The following DNHD1 variants were observed in gnomAD, a reference collection of about 807,000 sequenced individuals.
The protein encoded by DNHD1 is dynein heavy chain domain-containing protein 1.
DNHD1 carries 383 observed loss-of-function variants against 458.1 expected under a neutral mutation model. That is an observed-to-expected ratio of 0.84 (90% CI 0.77 to 0.91). The LOEUF is 0.91. DNHD1 is among the 40% of genes least tolerant of loss of function. DNHD1 has a pLI of 0.00. For synonymous variants in DNHD1, 2,203 were observed against 2,376.9 expected, an observed-to-expected ratio of 0.93 and a Z score of 2.13; for missense variants, 5,336 against 5,866.1, an observed-to-expected ratio of 0.91 and a Z score of 2.95.
At chr11:6,542,693 A>G (rs72901719) in intron 18 of DNHD1, among the ~76,000 whole-genome samples, 2,093 of 152,312 alleles carry the variant, frequency 0.014, 30 homozygotes, top group Non-Finnish European at 0.022. Flanking sequence ...TGGACTTGTT[A>G]TATATTTAAT....
At position 6,534,105 on chromosome 11, in the gene DNHD1, T is replaced by G; in HGVS notation, c.2930T>G (p.Leu977Arg). 1 of 1,551,488 alleles carries G rather than the reference T, an allele frequency of 6.4e-7. No homozygotes were observed. The highest frequency in any genetic ancestry group is 1.4e-5 in the African/African-American group (1 of 73,122). The change falls in exon 14 of 43, where the codon CTA becomes CGA. Residue 977 changes from leucine to arginine, a missense_variant. This residue lies in a region of DNHD1 where 3,932 missense variants were observed against 4,365.6 expected (regional missense o/e 0.90). Transcript: ENST00000254579. Reference sequence around the variant, plus strand: ...AGTACTGAGCACCAGCTCGTCTCCCTAGAGCGTCAGTTCCAGAACACAGTC... The same window carrying G: ...AGTACTGAGCACCAGCTCGTCTCCCGAGAGCGTCAGTTCCAGAACACAGTC... ...QRSTEHQLVS[L>R]ERQFQNTVSD...
rs146065060 is a variant in DNHD1 at position 6,571,013 on chromosome 11, C to T, written c.13501C>T (p.Arg4501Cys). 25 of 1,594,972 alleles carry T rather than the reference C, an allele frequency of 1.6e-5. No individual in the cohort carries two copies. The African/African-American group carries it at 2.4e-4, about 15-fold the overall frequency. Residue 4501 changes from arginine (R) to cysteine (C), a missense_variant, in exon 42 of 43, where the codon CGC (arginine) becomes TGC (cysteine). By Grantham distance (180) the Arg-to-Cys change is radical (BLOSUM62 -3). Transcript: ENST00000254579. The surrounding 1 kb of genome is among the most constrained non-coding windows in gnomAD (Gnocchi z 5.0). ...GAGCCAGTTGGTGGGCACGCTACAA[C>T]GCGACCTTGATTGCCTGTTGCAGCA... is the stretch of plus-strand genomic sequence containing the variant. ...ELSQLVGTLQ[R>C]DLDCLLQQLK...
Position 6,536,232 on chromosome 11 carries a change from A to G in DNHD1, c.2998+2059A>G, listed in dbSNP as rs555865846. ...AAATGTTCCAGATTAAAAGAAACTAAGAGACATGACAAATGCAGTGCTTGA... is the reference window on the plus strand; with the variant it reads ...AAATGTTCCAGATTAAAAGAAACTAGGAGACATGACAAATGCAGTGCTTGA... On this transcript the variant is annotated intron_variant, in intron 14 of 42. Coordinates refer to ENST00000254579, the MANE Select transcript of DNHD1 (RefSeq NM_144666.3). 5.3e-5 allele frequency among the ~76,000 whole-genome samples: 8 copies of G among 152,328 alleles called. No homozygotes were observed. The South Asian group carries it at 1.2e-3, about 24-fold the overall frequency.
rs962918938 is a variant in DNHD1, at chr11:6,539,262, G to A, written c.3369G>A (p.Leu1123=). 9.0e-6 allele frequency: 14 copies of A among 1,551,500 alleles called. No individual in the cohort carries two copies. The highest frequency in any genetic ancestry group is 2.7e-5 in the African/African-American group (2 of 73,028). Residue 1123 remains leucine (L), a synonymous_variant, in exon 17 of 43, where the codon CTG becomes CTA. Transcript: ENST00000254579. ...TCCAAACTATAGAACTCCTAACGCTGGGCCAGCTGCTTACTTATCCACTGC... is the reference window on the plus strand; with the variant it reads ...TCCAAACTATAGAACTCCTAACGCTAGGCCAGCTGCTTACTTATCCACTGC... ...GSLQTIELLT[L]GQLLTYPLLE...
At chr11:6,527,739 G>C (rs776465177) in intron 10 of DNHD1, among the ~76,000 whole-genome samples, 1 of 152,224 alleles carries the variant, frequency 6.6e-6, no homozygotes, top group Non-Finnish European at 1.5e-5. Context: ...GAAGAGATCA[G>C]CTAGGAGTAC....
chr11:6,558,604 T>C lies in DNHD1; in HGVS notation c.9122T>C (p.Ile3041Thr), dbSNP rs116327405. ...LRLLQLATASIDRYEPWDQAA... is the reference protein window; with the variant it reads ...LRLLQLATASTDRYEPWDQAA... ...CTCCTTCAACTGGCCACTGCCAGCA[T>C]TGACCGCTATGAACCCTGGGACCAA... Residue 3041 changes from isoleucine to threonine, a missense_variant, in exon 26 of 43, where the codon ATT becomes ACT. Coordinates refer to ENST00000254579, the MANE Select transcript of DNHD1 (RefSeq NM_144666.3). 1.5e-3 allele frequency: 2,405 copies of C among 1,551,720 alleles called. 35 individuals are homozygous for C. The African/African-American group carries it at 0.028, about 18-fold the overall frequency.
rs1853181929 is a variant in DNHD1, at chr11:6,545,164, T to TGGG, written c.4226_4228dup (p.Trp1409_Glu1410insGly). ...AACTGGTGAGAAAAACACAGATGAC[T>TGGG]GGGAGTCAAGCCCAAACACACAGAC... On this transcript the variant is annotated inframe_insertion, in exon 21 of 43. Coordinates refer to ENST00000254579, the MANE Select transcript of DNHD1 (RefSeq NM_144666.3). This position sits in a 1 kb window ranked among gnomAD's most constrained non-coding sequence, Gnocchi z 4.9. 4 of 1,552,014 alleles carry TGGG rather than the reference T, an allele frequency of 2.6e-6. No individual in the cohort carries two copies. Among genetic ancestry groups the TGGG allele is most frequent in the Non-Finnish European group, 3.5e-6 (4 of 1,147,040 alleles).
In DNHD1 at chr11:6,570,389, C is replaced by G; in HGVS notation, c.13098C>G (p.Pro4366=). 1 of 1,607,952 alleles carries G rather than the reference C, an allele frequency of 6.2e-7. No individual in the cohort carries two copies. Among genetic ancestry groups the G allele is most frequent in the Non-Finnish European group, 8.5e-7 (1 of 1,177,308 alleles). ...AGTCTTTGCTGGCCACGCTCATGCC[C>G]CTCCCAGGTAAGCCTCACTCAGGTA... is the stretch of plus-strand genomic sequence containing the variant. ...TPQSLLATLM[P]LPELRELDAM... Residue 4366 remains proline (P), a synonymous_variant, in exon 41 of 43, where the codon CCC becomes CCG. Coordinates refer to ENST00000254579, the MANE Select transcript of DNHD1 (RefSeq NM_144666.3).
rs1161735072 is a variant in DNHD1 at position 6,498,164 on chromosome 11, G to A, written c.-52G>A. ...TGGCATCCTGGAACTGGCAGTTGGA[G>A]CCTGAGCTATGGGCAAGGTCACTTC... On this transcript the variant is annotated 5_prime_UTR_variant, in exon 3 of 43. Transcript: ENST00000254579. 6 of 1,569,280 alleles carry A rather than the reference G, an allele frequency of 3.8e-6. No individual in the cohort carries two copies. The highest frequency in any genetic ancestry group is 5.2e-6 in the Non-Finnish European group (6 of 1,155,566).
chr11:6,555,796 T>G (rs1156911444), intron 24 of DNHD1, among the ~76,000 whole-genome samples: 1 of 152,144 alleles, frequency 6.6e-6, no homozygotes, highest in Non-Finnish European at 1.5e-5. Flanking sequence ...GTGATGGTGG[T>G]GGCAGAGGGA....
intron 6 of DNHD1, among the ~76,000 whole-genome samples, chr11:6,510,210 A>G (rs998562866): frequency 2.6e-5 from 4 of 151,920 alleles, no homozygotes; most frequent in African/African-American, 9.7e-5. Context: ...CAGCCTCCTG[A>G]GTAGCTGGGA....
chr11:6,521,230 C>T (rs1662635539), intron 10 of DNHD1, among the ~76,000 whole-genome samples: 3 of 152,156 alleles, frequency 2.0e-5, no homozygotes, highest in East Asian at 1.9e-4. Flanking sequence ...GTGCTCAGCA[C>T]ATAGAAATAC....
intron 10 of DNHD1, among the ~76,000 whole-genome samples, chr11:6,525,566 G>A (rs1852693958): frequency 1.3e-5 from 2 of 152,170 alleles, no homozygotes; most frequent in Admixed American, 1.3e-4. Context: ...AAGCCCACTA[G>A]CAGCCCTTGT....
In DNHD1 at chr11:6,551,694, G is replaced by C. The variant is rs188506828; in HGVS notation, c.7387+2761G>C. ...ACTGTGGCTCACGCCTGTAATCCCG[G>C]CACTTTGGGAGGCCAAGGAGGGCAG... is the stretch of plus-strand genomic sequence containing the variant. On this transcript the variant is annotated intron_variant, in intron 24 of 42. Coordinates refer to ENST00000254579, the MANE Select transcript of DNHD1 (RefSeq NM_144666.3). Among the ~76,000 whole-genome samples the C allele has an allele frequency of 4.6e-5, 7 of 152,332 alleles. No individual in the cohort carries two copies. In the East Asian group the frequency reaches 1.2e-3, roughly 25 times the overall value.
chr11:6,570,871 G>A lies in DNHD1; in HGVS notation c.13359G>A (p.Leu4453=). ...AAGTCAACCGGAGGCTGGAGTCACT[G>A]CAGGATCTGCTGACCCACGTGATTC... ...LVQVNRRLES[L]QDLLTHVIRQ... is the part of the protein sequence containing the mutation. The change falls in exon 42 of 43, where the codon CTG becomes CTA. Residue 4453 remains leucine, a synonymous_variant. Coordinates refer to ENST00000254579, the MANE Select transcript of DNHD1 (RefSeq NM_144666.3). 6.2e-7 allele frequency: 1 copy of A among 1,614,042 alleles called. No individual in the cohort carries two copies. Among genetic ancestry groups the A allele is most frequent in the Non-Finnish European group, 8.5e-7 (1 of 1,179,890 alleles).
Position 6,567,720 on chromosome 11 carries a change from A to G in DNHD1, c.12211A>G (p.Asn4071Asp), listed in dbSNP as rs1461225568. The change falls in exon 36 of 43, where the codon AAC (asparagine) becomes GAC (aspartate). Residue 4071 changes from asparagine (N) to aspartate (D), a missense_variant. This residue lies in a region of DNHD1 where 695 missense variants were observed against 804.2 expected (regional missense o/e 0.86). Coordinates refer to ENST00000254579, the MANE Select transcript of DNHD1 (RefSeq NM_144666.3). ...TSLLGRPLDE[N>D]TYAPTMPFKH... is the part of the protein sequence containing the mutation. The stretch of plus-strand genomic sequence containing the variant: ...CCTCCTGGGTCGGCCCCTGGATGAA[A>G]ACACGTATGCTCCCACCATGCCCTT... The G allele has an allele frequency of 6.2e-7, 1 of 1,613,888 alleles. No individual in the cohort carries two copies. The highest frequency in any genetic ancestry group is 1.7e-5 in the Admixed American group (1 of 60,032).
Position 6,498,756 on chromosome 11 carries a change from C to G in DNHD1, c.541C>G (p.Leu181Val), listed in dbSNP as rs903897832. The G allele has an allele frequency of 7.4e-6, 12 of 1,614,048 alleles. No homozygotes were observed. The South Asian group carries it at 1.1e-4, about 15-fold the overall frequency. The part of the protein sequence containing the change: ...QWSRQQVKEE[L>V]ATWLRPLTLP... ...GAGCAGGCAGCAAGTAAAGGAGGAGCTGGCCACCTGGCTGCGACCATTGAC... is the reference window on the plus strand; with the variant it reads ...GAGCAGGCAGCAAGTAAAGGAGGAGGTGGCCACCTGGCTGCGACCATTGAC... Residue 181 changes from leucine (L) to valine (V), a missense_variant, in exon 3 of 43, where the codon CTG becomes GTG. Leu to Val is a conservative substitution (Grantham distance 32). Transcript: ENST00000254579.
chr11:6,565,732 A>C lies in DNHD1; in HGVS notation c.10794A>C (p.Lys3598Asn). The change falls in exon 33 of 43, where the codon AAA (lysine) becomes AAC (asparagine). Residue 3598 changes from lysine (K) to asparagine (N), a missense_variant. Physicochemically the swap from Lys to Asn is moderately conservative, Grantham distance 94. Transcript: ENST00000254579. ...TGAGAAATCAAAAGAGAGAGAGTAA[A>C]ACGGACATGAAAGAGGAAGATGATG... is the stretch of plus-strand genomic sequence containing the variant. Reference protein sequence around the residue: ...GLMRNQKRESKTDMKEEDDES... With the variant: ...GLMRNQKRESNTDMKEEDDES... 1.3e-6 allele frequency: 2 copies of C among 1,550,630 alleles called. No homozygotes were observed. Among genetic ancestry groups the C allele is most frequent in the Non-Finnish European group, 1.7e-6 (2 of 1,146,828 alleles).
At chr11:6,543,797 T>C (rs907090308) in intron 18 of DNHD1, among the ~76,000 whole-genome samples, 5 of 151,778 alleles carry the variant, frequency 3.3e-5, no homozygotes, top group African/African-American at 4.8e-5. Flanking sequence ...CCGTCTCTAC[T>C]AAACATACAA....
Sources: allele counts gnomAD v4.1 joint callset (sites outside exome capture counted in the v4.1 genomes callset), GRCh38; gene constraint gnomAD v4.1.1; regional missense constraint gnomAD v4.1.1; non-coding constraint Gnocchi (gnomAD v3.1); transcripts MANE v1.5; gene names NCBI Gene and HGNC (gene_info 2026-07-23, HGNC 2026-07-21).